The following KCNQ1OT1 variants were observed in gnomAD, a reference collection of about 807,000 sequenced individuals.
KCNQ1OT1 encodes the protein KCNQ1 opposite strand/antisense transcript 1, also known as KCNQ1 antisense RNA 2 (non-protein coding).
chr11:2,614,818 G>C (rs989441407), exon 1 of KCNQ1OT1: 86 of 398,262 alleles, frequency 2.2e-4, no homozygotes, highest in African/African-American at 1.6e-3. Flanking sequence ...TTTGAAAATG[G>C]CAGGCCTGAG....
Position 2,695,928 on chromosome 11 carries a change from G to A in KCNQ1OT1, n.4067C>T. 2.5e-6 allele frequency: 1 copy of A among 398,492 alleles called. No individual in the cohort carries two copies. Among genetic ancestry groups the A allele is most frequent in the East Asian group, 3.6e-5 (1 of 28,068 alleles). The allele number at this position is 398,492 out of a possible 1,614,324, so 24.7% of individuals were successfully genotyped here. On this transcript the variant is annotated non_coding_transcript_exon_variant, in exon 1 of 1. Transcript: ENST00000597346. The surrounding 1 kb of genome is among the most constrained non-coding windows in gnomAD (Gnocchi z 5.2). The stretch of plus-strand genomic sequence containing the variant: ...TCTTAATGATTTGTGGTGCTTTCTG[G>A]TATATTTTAGCTGTTGTTCCCTCCT...
chr11:2,616,202 TTG>T (rs199954397), exon 1 of KCNQ1OT1: 5,931 of 397,144 alleles, frequency 0.015, 33 homozygotes, highest in Non-Finnish European at 0.015. Flanking sequence ...GTTCCCACTT[TTG>T]TTTTTTTTTC....
exon 1 of KCNQ1OT1, chr11:2,667,593 G>A (rs1416244018): frequency 2.5e-6 from 1 of 396,544 alleles, no homozygotes; most frequent in Non-Finnish European, 4.4e-6. Flanking sequence ...GGGCGGGGTT[G>A]GGCGGGGGGC....
At position 2,658,527 on chromosome 11, in the gene KCNQ1OT1, C is replaced by G. The variant is rs1186152702; in HGVS notation, n.41468G>C. ...CTAGCACTTGACAATACTTCAGGCT[C>G]ATCTTTTATTTTCCCTACCCTAGCC... On this transcript the variant is annotated non_coding_transcript_exon_variant, in exon 1 of 1. Coordinates refer to ENST00000597346, the Ensembl canonical transcript of KCNQ1OT1. The surrounding 1 kb of genome is among the most constrained non-coding windows in gnomAD (Gnocchi z 4.9). 1 of 398,212 alleles carries G rather than the reference C, an allele frequency of 2.5e-6. No individual in the cohort carries two copies. The highest frequency in any genetic ancestry group is 2.1e-5 in the African/African-American group (1 of 48,526). The allele number at this position is 398,212 out of a possible 1,614,324, so 24.7% of individuals were successfully genotyped here.
rs530723360 is a variant in KCNQ1OT1, at chr11:2,631,700, A to G, written n.68295T>C. 7.5e-6 allele frequency: 3 copies of G among 398,594 alleles called. No individual in the cohort carries two copies. The East Asian group carries it at 1.1e-4, about 14-fold the overall frequency. The allele number at this position is 398,594 out of a possible 1,614,324, so 24.7% of individuals were successfully genotyped here. ...TCACTTGATGGAGTGTTAAGTAGGT[A>G]GGGTGCAGCAGCTGTAGCCCAGATG... On this transcript the variant is annotated non_coding_transcript_exon_variant, in exon 1 of 1. Coordinates refer to ENST00000597346, the Ensembl canonical transcript of KCNQ1OT1.
chr11:2,610,623 C>T (rs1848964156), exon 1 of KCNQ1OT1: 3 of 396,978 alleles, frequency 7.6e-6, no homozygotes, highest in African/African-American at 2.1e-5. Flanking sequence ...AACTGGTCTG[C>T]TAACAAGGAA....
At position 2,661,960 on chromosome 11, in the gene KCNQ1OT1, G is replaced by T. The variant is rs775537394; in HGVS notation, n.38035C>A. 52 of 1,614,168 alleles carry T rather than the reference G, an allele frequency of 3.2e-5. No homozygotes were observed. Among genetic ancestry groups the T allele is most frequent in the Non-Finnish European group, 4.4e-5 (52 of 1,180,044 alleles). On this transcript the variant is annotated non_coding_transcript_exon_variant, in exon 1 of 1. Coordinates refer to ENST00000597346, the Ensembl canonical transcript of KCNQ1OT1. This position sits in a 1 kb window ranked among gnomAD's most constrained non-coding sequence, Gnocchi z 5.9. ...GTGCTGTCCCCACACTTTCTCCTCA[G>T]TAAGGAAGAGCCCAACACTGCTGGA...
exon 1 of KCNQ1OT1, chr11:2,630,449 C>G (rs1849334747): frequency 2.5e-6 from 1 of 398,198 alleles, no homozygotes; most frequent in African/African-American, 2.1e-5. Flanking sequence ...ATTGTTCCCT[C>G]TTTGTTTGGG....
At chr11:2,616,886 T>C in exon 1 of KCNQ1OT1, 1 of 398,174 alleles carries the variant, frequency 2.5e-6, no homozygotes, top group East Asian at 3.6e-5. Flanking sequence ...TGTTTGTAGG[T>C]CTAGTTGGTT....
At chr11:2,672,725 A>G in exon 1 of KCNQ1OT1, 1 of 398,664 alleles carries the variant, frequency 2.5e-6, no homozygotes, top group Non-Finnish European at 4.4e-6. Context: ...CAGGTTCCAG[A>G]CTCCAAGTTC....
chr11:2,636,825 T>G (rs1471231718), exon 1 of KCNQ1OT1: 2 of 152,234 alleles, frequency 1.3e-5, no homozygotes, highest in Non-Finnish European at 2.9e-5. Flanking sequence ...TGGACTTTTT[T>G]TGGTTGGTAG....
exon 1 of KCNQ1OT1, chr11:2,636,157 C>A (rs1589995585): frequency 6.6e-6 from 1 of 152,170 alleles, no homozygotes; most frequent in African/African-American, 2.4e-5. Flanking sequence ...TCCTCTTTTC[C>A]TAATTGAATA....
At chr11:2,631,853 A>G (rs1849358245) in exon 1 of KCNQ1OT1, 1 of 398,364 alleles carries the variant, frequency 2.5e-6, no homozygotes, top group African/African-American at 2.1e-5. Flanking sequence ...TGTGTTAATA[A>G]TATCCCTTTC....
Position 2,674,345 on chromosome 11 carries a change from C to T in KCNQ1OT1, n.25650G>A, listed in dbSNP as rs2133872161. The T allele has an allele frequency of 5.0e-6, 2 of 396,984 alleles. No individual in the cohort carries two copies. Among genetic ancestry groups the T allele is most frequent in the East Asian group, 3.6e-5 (1 of 27,910 alleles). The allele number at this position is 396,984 out of a possible 1,614,324, so 24.6% of individuals were successfully genotyped here. A position where few individuals can be genotyped will look rare whatever the true frequency, so the allele number is the denominator to read the frequency against. ...GGACACCCTCTGGAAATCTGAATTC[C>T]ATTCGCTCTTGGCAAAGAGCAGCTT... On this transcript the variant is annotated non_coding_transcript_exon_variant, in exon 1 of 1. Transcript: ENST00000597346. This position sits in a 1 kb window ranked among gnomAD's most constrained non-coding sequence, Gnocchi z 5.9.
Position 2,659,714 on chromosome 11 carries a change from G to T in KCNQ1OT1, n.40281C>A. 1 of 398,510 alleles carries T rather than the reference G, an allele frequency of 2.5e-6. No homozygotes were observed. 24.7% of individuals were successfully genotyped at this position (398,510 alleles called of 1,614,324 possible). ...ACTGTGCCATTTTGCATTCCCACCA[G>T]TAACATATGAGAGTTCTACATGTTC... On this transcript the variant is annotated non_coding_transcript_exon_variant, in exon 1 of 1. Transcript: ENST00000597346. The surrounding 1 kb of genome is among the most constrained non-coding windows in gnomAD (Gnocchi z 4.3).
chr11:2,644,548 A>G (rs746462740), exon 1 of KCNQ1OT1: 18 of 398,230 alleles, frequency 4.5e-5, no homozygotes, highest in Non-Finnish European at 4.0e-5. Flanking sequence ...TCAAGGTTTC[A>G]TCAATTTCTT....
At chr11:2,656,122 G>C in exon 1 of KCNQ1OT1, 1 of 398,636 alleles carries the variant, frequency 2.5e-6, no homozygotes, top group East Asian at 3.6e-5. Flanking sequence ...GTTCTAGCCT[G>C]TGCTCCATCG....
chr11:2,643,978 G>A, exon 1 of KCNQ1OT1: 1 of 398,492 alleles, frequency 2.5e-6, no homozygotes, highest in Non-Finnish European at 4.4e-6. Flanking sequence ...TTAGTCTGCA[G>A]GTTGTTCCCT....
chr11:2,667,387 C>G (rs1237488222), exon 1 of KCNQ1OT1: 2 of 398,682 alleles, frequency 5.0e-6, no homozygotes, highest in Non-Finnish European at 8.8e-6. Flanking sequence ...TGCCCCAGTG[C>G]ACTCTGGCCA....
Sources: allele counts gnomAD v4.1 joint callset, GRCh38; gene constraint gnomAD v4.1.1; non-coding constraint Gnocchi (gnomAD v3.1); transcripts MANE v1.5; gene names NCBI Gene and HGNC (gene_info 2026-07-23, HGNC 2026-07-21).